The following BRINP3 variants were observed in gnomAD, a reference collection of about 807,000 sequenced individuals.
BRINP3 encodes BMP/retinoic acid inducible neural specific 3.
Under a neutral mutation model 71.0 loss-of-function variants are expected in BRINP3, and 19 were observed. That is an observed-to-expected ratio of 0.27 (90% CI 0.19 to 0.39). The LOEUF is 0.39. Among genes scored for constraint, BRINP3 ranks in the 10% least tolerant of loss-of-function variants. BRINP3 has a pLI of 1.00. For synonymous variants in BRINP3, 380 were observed against 337.7 expected (o/e 1.13, Z -1.37); for missense variants, 959 against 940.8 (o/e 1.02, Z -0.25).
At chr1:190,224,137 AT>A (rs1350902976) in intron 6 of BRINP3, among the ~76,000 whole-genome samples, 1 of 151,664 alleles carries the variant, frequency 6.6e-6, no homozygotes, top group East Asian at 1.9e-4. Flanking sequence ...GAAAAAAAAA[AT>A]TATAAAATAT....
chr1:190,283,753 GT>G (rs1663216136), intron 2 of BRINP3, among the ~76,000 whole-genome samples: 1 of 151,096 alleles, frequency 6.6e-6, no homozygotes, highest in African/African-American at 2.4e-5. Context: ...AGGATATATA[GT>G]AATACAAAAC....
chr1:190,115,770 A>G (rs899950442), intron 7 of BRINP3, among the ~76,000 whole-genome samples: 2 of 152,158 alleles, frequency 1.3e-5, no homozygotes, highest in African/African-American at 2.4e-5. Context: ...CGAAGGTGAC[A>G]TAATTTCTTA....
chr1:190,278,124 T>A (rs2102924346), intron 3 of BRINP3, among the ~76,000 whole-genome samples: 1 of 151,858 alleles, frequency 6.6e-6, no homozygotes, highest in African/African-American at 2.4e-5. Flanking sequence ...AAAGCCATTT[T>A]TCATGTATTT....
At chr1:190,422,026 G>A (rs1673421399) in intron 2 of BRINP3, among the ~76,000 whole-genome samples, 1 of 151,700 alleles carries the variant, frequency 6.6e-6, no homozygotes, top group Non-Finnish European at 1.5e-5. Context: ...AAGTTTCCCA[G>A]AGTGACACTG....
At chr1:190,371,574 T>A (rs1669868667) in intron 2 of BRINP3, among the ~76,000 whole-genome samples, 1 of 152,208 alleles carries the variant, frequency 6.6e-6, no homozygotes, top group East Asian at 1.9e-4. Flanking sequence ...TTGATTACTA[T>A]AGCTTTGCAG....
intron 6 of BRINP3, among the ~76,000 whole-genome samples, chr1:190,203,847 C>T (rs1655258224): frequency 8.4e-6 from 1 of 119,374 alleles, no homozygotes; most frequent in African/African-American, 3.0e-5. Flanking sequence ...GGCATTTTAT[C>T]TATTGTGTTA....
intron 7 of BRINP3, among the ~76,000 whole-genome samples, chr1:190,138,801 A>C (rs1180388694): frequency 6.6e-6 from 1 of 152,162 alleles, no homozygotes; most frequent in Non-Finnish European, 1.5e-5. Context: ...AGAAAGGACA[A>C]AGGACCTCAA....
chr1:190,445,513 C>A (rs76592453), intron 2 of BRINP3, among the ~76,000 whole-genome samples: 284 of 151,892 alleles, frequency 1.9e-3, no homozygotes, highest in African/African-American at 6.7e-3. Flanking sequence ...TCACTTTTTT[C>A]TCATTAAATT....
intron 2 of BRINP3, among the ~76,000 whole-genome samples, chr1:190,363,252 T>C (rs1669267181): frequency 6.6e-6 from 1 of 152,112 alleles, no homozygotes; most frequent in African/African-American, 2.4e-5. Flanking sequence ...CTGTCTACAA[T>C]GTAAGCTTGA....
chr1:190,407,945 T>C (rs1672392942), intron 2 of BRINP3, among the ~76,000 whole-genome samples: 1 of 151,862 alleles, frequency 6.6e-6, no homozygotes, highest in South Asian at 2.1e-4. Context: ...ATCCTCCTCA[T>C]TGGAATGTCT....
At chr1:190,448,273 G>A (rs1044667158) in intron 2 of BRINP3, among the ~76,000 whole-genome samples, 2 of 151,204 alleles carry the variant, frequency 1.3e-5, no homozygotes, top group African/African-American at 2.4e-5. Context: ...TTTAAAATAA[G>A]GATATATTTA....
At chr1:190,353,151 A>G (rs1220381650) in intron 2 of BRINP3, among the ~76,000 whole-genome samples, 15 of 152,034 alleles carry the variant, frequency 9.9e-5, no homozygotes, top group Admixed American at 9.2e-4. Context: ...CATGTTTTAC[A>G]TATTTCTGGC....
At chr1:190,266,601 A>G (rs1423850992) in intron 3 of BRINP3, among the ~76,000 whole-genome samples, 1 of 152,212 alleles carries the variant, frequency 6.6e-6, no homozygotes, top group African/African-American at 2.4e-5. Context: ...CATAAATGCT[A>G]TAAAATAAAC....
intron 1 of BRINP3, among the ~76,000 whole-genome samples, chr1:190,467,679 C>A (rs1435877449): frequency 6.6e-6 from 1 of 151,484 alleles, no homozygotes; most frequent in Admixed American, 6.6e-5. Context: ...CCCCAATATA[C>A]AATTTTGAGA....
intron 2 of BRINP3, among the ~76,000 whole-genome samples, chr1:190,394,665 A>G (rs1212855040): frequency 1.3e-5 from 2 of 151,678 alleles, no homozygotes; most frequent in African/African-American, 4.8e-5. Flanking sequence ...TTAAAGGTAA[A>G]CACAAACTGC....
At chr1:190,395,093 C>T (rs1028105733) in intron 2 of BRINP3, among the ~76,000 whole-genome samples, 5 of 151,714 alleles carry the variant, frequency 3.3e-5, no homozygotes, top group African/African-American at 1.2e-4. Context: ...GGCTTACATT[C>T]AGGCAGCTAT....
intron 2 of BRINP3, among the ~76,000 whole-genome samples, chr1:190,354,838 T>C (rs919559033): frequency 1.3e-5 from 2 of 151,548 alleles, no homozygotes; most frequent in African/African-American, 4.8e-5. Flanking sequence ...AAACCAGTGA[T>C]CATTTAAAAA....
chr1:190,387,108 G>A (rs952014996), intron 2 of BRINP3, among the ~76,000 whole-genome samples: 12 of 151,914 alleles, frequency 7.9e-5, no homozygotes, highest in Admixed American at 7.9e-4. Context: ...TGCTTTTCTG[G>A]TTTGCATTTG....
At chr1:190,412,876 A>G (rs2102417415) in intron 2 of BRINP3, among the ~76,000 whole-genome samples, 1 of 152,300 alleles carries the variant, frequency 6.6e-6, no homozygotes, top group East Asian at 1.9e-4. Context: ...TAGTAATTTA[A>G]AAAATAAAAG....
Sources: allele counts gnomAD v4.1 joint callset (sites outside exome capture counted in the v4.1 genomes callset), GRCh38; gene constraint gnomAD v4.1.1; transcripts MANE v1.5; gene names NCBI Gene and HGNC (gene_info 2026-07-23, HGNC 2026-07-21).